FHOD3: variants seen among roughly 807,000 people sequenced by gnomAD.
FHOD3 encodes the protein formin homology 2 domain containing 3, also known as FH1/FH2 domain-containing protein 3.
FHOD3 carries 90 observed loss-of-function variants against 173.0 expected under a neutral mutation model. The observed-to-expected ratio is 0.52, with a 90% CI of 0.44 to 0.62. The LOEUF (loss-of-function observed/expected upper bound fraction) is 0.62, where lower values mean the gene tolerates loss of function less well. Ranked by LOEUF, FHOD3 falls within the 20% of genes least tolerant of loss-of-function variation. The pLI, the probability that FHOD3 is intolerant of heterozygous loss-of-function variation, is 0.00. For synonymous variants in FHOD3, 828 were observed against 823.0 expected (o/e 1.01, Z -0.10); for missense variants, 1,945 against 2,034.7 (o/e 0.96, Z 0.85).
At chr18:36,762,383 G>A (rs1044641817) in intron 27 of FHOD3, among the ~76,000 whole-genome samples, 1 of 152,138 alleles carries the variant, frequency 6.6e-6, no homozygotes, top group African/African-American at 2.4e-5. Context: ...AAGCAGATTG[G>A]CACTTCAGTC....
At chr18:36,738,143 G>C (rs1329601835) in intron 20 of FHOD3, among the ~76,000 whole-genome samples, 1 of 152,206 alleles carries the variant, frequency 6.6e-6, no homozygotes, top group African/African-American at 2.4e-5. Context: ...ATTCATTCAA[G>C]TCATTGTACA....
chr18:36,587,950 A>G (rs2059095260), intron 6 of FHOD3, among the ~76,000 whole-genome samples: 1 of 152,226 alleles, frequency 6.6e-6, no homozygotes. Flanking sequence ...GCATTGTGTC[A>G]TAAGCAGGTT....
intron 3 of FHOD3, among the ~76,000 whole-genome samples, chr18:36,474,831 G>A (rs562055930): frequency 2.0e-5 from 3 of 152,082 alleles, no homozygotes; most frequent in East Asian, 3.9e-4. Flanking sequence ...TGAGGCCTGG[G>A]GCCCTCTGGC....
chr18:36,393,607 G>A (rs1028979181), intron 3 of FHOD3, among the ~76,000 whole-genome samples: 3 of 152,170 alleles, frequency 2.0e-5, no homozygotes, highest in African/African-American at 7.2e-5. Context: ...CACCAATTCA[G>A]GGTATTGGGC....
intron 3 of FHOD3, among the ~76,000 whole-genome samples, chr18:36,470,967 G>A (rs1458902447): frequency 6.6e-6 from 1 of 152,120 alleles, no homozygotes; most frequent in East Asian, 1.9e-4. Flanking sequence ...CACCTGTGTG[G>A]GTGGCCTGCT....
At chr18:36,776,814 C>T (rs2043690100) in intron 28 of FHOD3, among the ~76,000 whole-genome samples, 2 of 152,260 alleles carry the variant, frequency 1.3e-5, no homozygotes, top group Admixed American at 1.3e-4. Context: ...AGGGCACAGG[C>T]TCTGTGCTGT....
intron 1 of FHOD3, among the ~76,000 whole-genome samples, chr18:36,330,484 T>C (rs183256200): frequency 6.6e-6 from 1 of 152,306 alleles, no homozygotes; most frequent in Admixed American, 6.5e-5. Context: ...CTTCCTACAG[T>C]TAAGTTTCTT....
intron 18 of FHOD3, chr18:36,710,709 G>A (rs2040125567): frequency 6.6e-6 from 1 of 152,166 alleles, no homozygotes; most frequent in Non-Finnish European, 1.5e-5. Context: ...GAATATGTAT[G>A]TGCCAAGAGG....
At chr18:36,337,251 C>A (rs1208613585) in intron 1 of FHOD3, among the ~76,000 whole-genome samples, 1 of 151,912 alleles carries the variant, frequency 6.6e-6, no homozygotes, top group East Asian at 1.9e-4. Context: ...TTGGAACATT[C>A]CCAGAGTCTG....
intron 6 of FHOD3, among the ~76,000 whole-genome samples, chr18:36,579,846 T>C (rs982231710): frequency 6.8e-5 from 10 of 147,452 alleles, no homozygotes; most frequent in South Asian, 2.1e-4. Flanking sequence ...GCAGCAAAAA[T>C]AGACTAAGAG....
At chr18:36,676,796 C>T (rs769907560) in intron 14 of FHOD3, among the ~76,000 whole-genome samples, 1 of 152,150 alleles carries the variant, frequency 6.6e-6, no homozygotes, top group African/African-American at 2.4e-5. Context: ...TCACTCATAT[C>T]TGTATTGGCC....
At chr18:36,346,703 T>A (rs924572606) in intron 1 of FHOD3, among the ~76,000 whole-genome samples, 3 of 152,290 alleles carry the variant, frequency 2.0e-5, no homozygotes, top group Middle Eastern at 3.4e-3. Flanking sequence ...CGGTGGCTTC[T>A]CCATTTGTCT....
At position 36,693,448 on chromosome 18, in the gene FHOD3, A is replaced by T. The variant is rs749807733; in HGVS notation, c.2236+25A>T. 4 of 1,599,970 alleles carry T rather than the reference A, an allele frequency of 2.5e-6. No homozygotes were observed. The African/African-American group carries it at 5.4e-5, about 21-fold the overall frequency. On this transcript the variant is annotated intron_variant, in intron 17 of 28. Transcript: ENST00000590592. ...GGTGAGTACAGGGAGAGTAGAGGGA[A>T]AATGAACAGGTTAACATCAGACAGG...
At chr18:36,691,670 C>A (rs2149487863) in intron 16 of FHOD3, among the ~76,000 whole-genome samples, 1 of 152,332 alleles carries the variant, frequency 6.6e-6, no homozygotes, top group South Asian at 2.1e-4. Context: ...CACTACACAC[C>A]TTTTATCAGA....
intron 15 of FHOD3, 87 bp downstream of exon 15, chr18:36,681,657 A>T: frequency 1.4e-6 from 2 of 1,396,226 alleles, no homozygotes; most frequent in Non-Finnish European, 1.9e-6. Flanking sequence ...TAATATTGGC[A>T]TTAAAGGAAG....
intron 3 of FHOD3, among the ~76,000 whole-genome samples, chr18:36,493,368 C>G (rs1188151263): frequency 6.6e-6 from 1 of 152,104 alleles, no homozygotes; most frequent in Non-Finnish European, 1.5e-5. Flanking sequence ...TTGAAAACAT[C>G]AGCAGGTAAT....
intron 19 of FHOD3, among the ~76,000 whole-genome samples, chr18:36,724,428 C>T (rs1296882346): frequency 6.6e-6 from 1 of 152,242 alleles, no homozygotes; most frequent in Admixed American, 6.5e-5. Flanking sequence ...CTGCCGAGAA[C>T]AGGCACAGCT....
intron 8 of FHOD3, among the ~76,000 whole-genome samples, chr18:36,605,131 C>T (rs1213875562): frequency 6.6e-6 from 1 of 152,092 alleles, no homozygotes. Context: ...GCTCATTTTA[C>T]CATTTGATTT....
chr18:36,456,489 T>C (rs908368149), intron 3 of FHOD3, among the ~76,000 whole-genome samples: 3 of 152,118 alleles, frequency 2.0e-5, no homozygotes, highest in African/African-American at 7.3e-5. Context: ...TGGTCATTTC[T>C]TATAAAACAG....
Sources: gnomAD v4.1 joint callset for allele counts (sites outside exome capture counted in the v4.1 genomes callset) on GRCh38, gnomAD v4.1.1 for gene constraint, MANE v1.5 for transcripts, NCBI Gene and HGNC (gene_info 2026-07-23, HGNC 2026-07-21) for gene names.